Variants in ATXN2 observed in about 807,000 individuals in gnomAD.
ATXN2 encodes the protein ataxin 2, also known as ataxin-2.
ATXN2 carries 37 observed loss-of-function variants against 138.6 expected under a neutral mutation model. The ratio of observed to expected loss-of-function variants is 0.27; its 90% CI spans 0.21 to 0.35. ATXN2 has a LOEUF of 0.35. Ranked by LOEUF, ATXN2 falls within the 10% of genes least tolerant of loss-of-function variation. The probability of loss-of-function intolerance (pLI) is 1.00; values close to 1 mark genes in which losing one functional copy is unlikely to be tolerated. For synonymous variants in ATXN2, 549 were observed against 543.7 expected (o/e 1.01, Z -0.13); for missense variants, 1,216 against 1,480.3 (o/e 0.82, Z 2.93).
rs192492879 is a variant in ATXN2 at position 111,470,573 on chromosome 12, T to C, written c.2694A>G (p.Pro898=). 1.9e-6 allele frequency: 3 copies of C among 1,614,148 alleles called. No individual in the cohort carries two copies. The highest frequency in any genetic ancestry group is 2.2e-5 in the East Asian group (1 of 44,882). The stretch of plus-strand genomic sequence containing the variant: ...CCAGCCTTACCTGAGACTGATAATG[T>C]GGCACATGCTGAACAAGGGGCTGAT... The part of the protein sequence containing the change: ...FPNQPLVQHV[P]HYQSQHPHVY... The change falls in exon 19 of 25, where the codon CCA becomes CCG. Residue 898 remains proline, a synonymous_variant. Coordinates refer to ENST00000673436, the MANE Select transcript of ATXN2 (RefSeq NM_001372574.1).
At chr12:111,563,726 T>A (rs1389275404) in intron 1 of ATXN2, among the ~76,000 whole-genome samples, 2 of 152,186 alleles carry the variant, frequency 1.3e-5, no homozygotes, top group Non-Finnish European at 2.9e-5. Context: ...AAGTAAAATG[T>A]TTTTAATTGG....
intron 14 of ATXN2, among the ~76,000 whole-genome samples, chr12:111,495,380 G>A (rs1227312389): frequency 3.4e-5 from 5 of 147,814 alleles, no homozygotes; most frequent in African/African-American, 1.0e-4. Flanking sequence ...ATCACACATA[G>A]ACTAAAATTG....
intron 1 of ATXN2, among the ~76,000 whole-genome samples, chr12:111,597,139 A>G (rs1310741287): frequency 2.2e-5 from 3 of 133,836 alleles, no homozygotes; most frequent in Non-Finnish European, 4.7e-5. Flanking sequence ...GGGATGCTTC[A>G]GACTCAGAGA....
At chr12:111,582,723 C>T (rs1884077855) in intron 1 of ATXN2, among the ~76,000 whole-genome samples, 2 of 152,170 alleles carry the variant, frequency 1.3e-5, no homozygotes, top group Admixed American at 1.3e-4. Flanking sequence ...GGCTGGAGTG[C>T]AGTGGCACCA....
chr12:111,520,677 T>C (rs958366950), intron 7 of ATXN2, among the ~76,000 whole-genome samples: 1 of 151,972 alleles, frequency 6.6e-6, no homozygotes, highest in Non-Finnish European at 1.5e-5. Context: ...AAAACCAAAA[T>C]TTGTTTAGAG....
chr12:111,599,625 C>G, upstream of ATXN2: 1 of 1,076,094 alleles, frequency 9.3e-7, no homozygotes. Flanking sequence ...GCCCCGGGGC[C>G]GGGAGGGACA....
At chr12:111,581,509 C>T (rs996378953) in intron 1 of ATXN2, 31 of 1,038,018 alleles carry the variant, frequency 3.0e-5, no homozygotes, top group African/African-American at 7.8e-5. Context: ...CAATGTCCAC[C>T]GTGATCCCCA....
chr12:111,581,652 A>G (rs1268276913), intron 1 of ATXN2: 2 of 743,798 alleles, frequency 2.7e-6, no homozygotes, highest in Non-Finnish European at 5.0e-6. Flanking sequence ...ATGGTTGGCG[A>G]CCTGATCAGG....
chr12:111,478,879 C>T (rs760312199), intron 18 of ATXN2, among the ~76,000 whole-genome samples: 18 of 151,630 alleles, frequency 1.2e-4, no homozygotes, highest in Admixed American at 9.9e-4. Context: ...CATGGTGGTG[C>T]GCGCCTGTAA....
chr12:111,532,853 G>GA (rs33992543), intron 5 of ATXN2, among the ~76,000 whole-genome samples: 8,608 of 121,720 alleles, frequency 0.071, 920 homozygotes, highest in African/African-American at 0.23. Flanking sequence ...TAGGTTTAAG[G>GA]AAAAAAAAAA....
chr12:111,547,840 T>A (rs1360263307), intron 5 of ATXN2, among the ~76,000 whole-genome samples: 1 of 147,498 alleles, frequency 6.8e-6, no homozygotes, highest in Non-Finnish European at 1.5e-5. Context: ...TTGAGAATTT[T>A]TTTTTTTTTT....
intron 5 of ATXN2, among the ~76,000 whole-genome samples, chr12:111,546,452 T>TG (rs1881804496): frequency 6.6e-6 from 1 of 152,190 alleles, no homozygotes; most frequent in South Asian, 2.1e-4. Context: ...GGCATAGCTA[T>TG]GCTACAATAA....
intron 6 of ATXN2, among the ~76,000 whole-genome samples, chr12:111,524,529 C>G (rs1203583824): frequency 2.0e-5 from 3 of 152,152 alleles, no homozygotes; most frequent in African/African-American, 7.2e-5. Context: ...CTCCTGGGCT[C>G]AAGTGATCCT....
At position 111,525,316 on chromosome 12, in the gene ATXN2, T is replaced by G; in HGVS notation, c.572A>C (p.Asp191Ala). ...KDMDSSYAKR[D>A]AFTDSAISAK... ...ACTGATAGCAGAGTCAGTAAAAGCATCTGCAAAGAATGGTTTTGGTTGAAA... is the reference window on the plus strand; with the variant it reads ...ACTGATAGCAGAGTCAGTAAAAGCAGCTGCAAAGAATGGTTTTGGTTGAAA... Residue 191 changes from aspartate to alanine, a missense_variant and splice_region_variant, in exon 6 of 25, where the codon GAT becomes GCT. Transcript: ENST00000673436. 6.3e-7 allele frequency: 1 copy of G among 1,576,104 alleles called. No homozygotes were observed. The highest frequency in any genetic ancestry group is 8.6e-7 in the Non-Finnish European group (1 of 1,164,946).
intron 20 of ATXN2, among the ~76,000 whole-genome samples, 189 bp from the exon 21 acceptor site, chr12:111,464,904 T>A (rs1044339143): frequency 6.6e-6 from 1 of 152,252 alleles, no homozygotes; most frequent in Non-Finnish European, 1.5e-5. Flanking sequence ...GACACTGTTC[T>A]TCTGTACTTA....
chr12:111,458,138 T>C (rs946655452), intron 21 of ATXN2: 1 of 150,520 alleles, frequency 6.6e-6, no homozygotes, highest in African/African-American at 2.5e-5. Context: ...CTTCATGTCT[T>C]TCAGTTTTTT....
rs368903848 is a variant in ATXN2, at chr12:111,589,562, G to A, written c.251+9222C>T. On this transcript the variant is annotated intron_variant, in intron 1 of 24. Transcript: ENST00000673436. ...CAAGGTATATGGATCACCTGAGGTC[G>A]GGAGTTCGAGACCAGCCTGGCCAAC... 7.4e-5 allele frequency among the ~76,000 whole-genome samples: 11 copies of A among 149,038 alleles called. No homozygotes were observed. In the South Asian group the frequency reaches 1.3e-3, roughly 17 times the overall value.
chr12:111,573,320 A>T (rs181266665), intron 1 of ATXN2, among the ~76,000 whole-genome samples: 5 of 152,114 alleles, frequency 3.3e-5, no homozygotes, highest in Non-Finnish European at 7.4e-5. Context: ...CAGCCTACTG[A>T]GTAGCTGGGA....
rs1882190263 is a variant in ATXN2 at position 111,552,776 on chromosome 12, A to G, written c.420+130T>C. 1 of 637,900 alleles carries G rather than the reference A, an allele frequency of 1.6e-6. No homozygotes were observed. Among genetic ancestry groups the G allele is most frequent in the Admixed American group, 3.6e-5 (1 of 27,930 alleles). The allele number at this position is 637,900 out of a possible 1,614,324, so 39.5% of individuals were successfully genotyped here. ...AGAAGCCTCTCTGATTACACAAACCAGTCTATAAAATAATCAGTATTTGAA... is the reference window on the plus strand; with the variant it reads ...AGAAGCCTCTCTGATTACACAAACCGGTCTATAAAATAATCAGTATTTGAA... On this transcript the variant is annotated intron_variant, in intron 4 of 24. Transcript: ENST00000673436. This position sits in a 1 kb window ranked among gnomAD's most constrained non-coding sequence, Gnocchi z 4.1.
Sources: allele counts gnomAD v4.1 joint callset (sites outside exome capture counted in the v4.1 genomes callset), GRCh38; gene constraint gnomAD v4.1.1; non-coding constraint Gnocchi (gnomAD v3.1); transcripts MANE v1.5; gene names NCBI Gene and HGNC (gene_info 2026-07-23, HGNC 2026-07-21).